The following PCDHGA1 variants were observed in gnomAD, a reference collection of about 807,000 sequenced individuals.
PCDHGA1 encodes the protein protocadherin gamma subfamily A, 1.
Under a neutral mutation model 58.0 loss-of-function variants are expected in PCDHGA1, and 32 were observed. That is an observed-to-expected ratio of 0.55 (90% CI 0.42 to 0.74). The LOEUF (loss-of-function observed/expected upper bound fraction) is 0.74, where lower values mean the gene tolerates loss of function less well. PCDHGA1 is among the 30% of genes least tolerant of loss of function. The probability of loss-of-function intolerance (pLI) is 0.00; values close to 1 mark genes in which losing one functional copy is unlikely to be tolerated. For missense variants in PCDHGA1, 1,205 were observed against 1,182.3 expected (o/e 1.02, Z -0.28); for synonymous variants, 498 against 501.1 (o/e 0.99, Z 0.08).
intron 1 of PCDHGA1, chr5:141,389,849 T>C (rs773205213): frequency 6.2e-7 from 1 of 1,614,066 alleles, no homozygotes; most frequent in South Asian, 1.1e-5. Context: ...TCTCGGCCAC[T>C]GCCACGTTGC....
intron 1 of PCDHGA1, chr5:141,374,117 G>T: frequency 1.9e-6 from 3 of 1,587,564 alleles, no homozygotes; most frequent in South Asian, 1.1e-5. Context: ...GCAGCGCAGC[G>T]AGCAGGTCCT....
intron 1 of PCDHGA1, among the ~76,000 whole-genome samples, chr5:141,467,790 C>T (rs1321576171): frequency 6.6e-6 from 1 of 152,118 alleles, no homozygotes; most frequent in Non-Finnish European, 1.5e-5. Context: ...TCTCAAGTAG[C>T]TGGGACTACA....
At chr5:141,350,308 T>C (rs1398850020) in intron 1 of PCDHGA1, 1 of 1,522,230 alleles carries the variant, frequency 6.6e-7, no homozygotes, top group Admixed American at 2.2e-5. Context: ...AGGTACTGTT[T>C]CCCTTCCTGC....
Position 141,490,799 on chromosome 5 carries a change from G to A in PCDHGA1, c.2422-4008G>A, listed in dbSNP as rs757092044. On this transcript the variant is annotated intron_variant, in intron 1 of 3. Coordinates refer to ENST00000517417, the MANE Select transcript of PCDHGA1 (RefSeq NM_018912.3). The surrounding 1 kb of genome is among the most constrained non-coding windows in gnomAD (Gnocchi z 5.4). ...GAGGATGGACGGATCTTTGCCCAGC[G>A]TACCTTTGACTATGAATTGCTGCAG... is the stretch of plus-strand genomic sequence containing the variant. 2.7e-5 allele frequency: 43 copies of A among 1,613,888 alleles called. No individual in the cohort carries two copies. Among genetic ancestry groups the A allele is most frequent in the Middle Eastern group, 3.3e-4 (2 of 6,062 alleles).
At chr5:141,403,157 A>G in intron 1 of PCDHGA1, 3 of 1,614,030 alleles carry the variant, frequency 1.9e-6, no homozygotes, top group Non-Finnish European at 8.5e-7. Context: ...CATCGTCTCT[A>G]GAGGTAGGAC....
chr5:141,355,624 G>A, intron 1 of PCDHGA1: 3 of 1,614,002 alleles, frequency 1.9e-6, no homozygotes, highest in South Asian at 2.2e-5. Flanking sequence ...GGAAATAAAA[G>A]TTGCTGAAAA....
intron 1 of PCDHGA1, among the ~76,000 whole-genome samples, chr5:141,450,485 TTGTC>T (rs1466269978): frequency 1.3e-5 from 2 of 152,158 alleles, no homozygotes; most frequent in African/African-American, 2.4e-5. Flanking sequence ...GTTTGTTTGT[TTGTC>T]TGTTTGTTTG....
At chr5:141,508,295 G>C (rs989632251) in intron 3 of PCDHGA1, 5 of 152,202 alleles carry the variant, frequency 3.3e-5, no homozygotes, top group Non-Finnish European at 7.3e-5. Context: ...TGGGCCTTGG[G>C]GGGAGTGGGG....
rs774505854 is a variant in PCDHGA1 at position 141,490,507 on chromosome 5, G to A, written c.2422-4300G>A. The A allele has an allele frequency of 5.6e-6, 9 of 1,613,898 alleles. No individual in the cohort carries two copies. The highest frequency in any genetic ancestry group is 4.0e-5 in the African/African-American group (3 of 74,868). ...GGAGGCCACATCCCACTATATCATC[G>A]AGCTGCTGGCCAGCGATGCTGGTTC... On this transcript the variant is annotated intron_variant, in intron 1 of 3. Transcript: ENST00000517417. This position sits in a 1 kb window ranked among gnomAD's most constrained non-coding sequence, Gnocchi z 5.4.
rs1206130340 is a variant in PCDHGA1, at chr5:141,473,814, G to A, written c.2422-20993G>A. On this transcript the variant is annotated intron_variant, in intron 1 of 3. Coordinates refer to ENST00000517417, the MANE Select transcript of PCDHGA1 (RefSeq NM_018912.3). ...GTATGATGCTACTGAGGAGCAGCTG[G>A]ACAATTGTGTGATCCAATTAAAATT... Among the ~76,000 whole-genome samples, 5 of 152,188 alleles carry A rather than the reference G, an allele frequency of 3.3e-5. No individual in the cohort carries two copies. The East Asian group carries it at 9.6e-4, about 29-fold the overall frequency.
chr5:141,426,704 A>C, intron 1 of PCDHGA1: 1 of 440,322 alleles, frequency 2.3e-6, no homozygotes, highest in South Asian at 1.6e-5. Context: ...TTGTTTTACA[A>C]ATCAATGAAC....
rs1393235114 is a variant in PCDHGA1, at chr5:141,476,581, G to T, written c.2422-18226G>T. ...CCGTGGCTCCGGGGACGCGCTTTCC[G>T]CTCGAGAGCGCGCACGATCCCGATG... On this transcript the variant is annotated intron_variant, in intron 1 of 3. Transcript: ENST00000517417. This position sits in a 1 kb window ranked among gnomAD's most constrained non-coding sequence, Gnocchi z 7.6. 8.7e-6 allele frequency: 14 copies of T among 1,614,112 alleles called. No homozygotes were observed. The Admixed American group carries it at 2.2e-4, about 25-fold the overall frequency.
At position 141,490,108 on chromosome 5, in the gene PCDHGA1, C is replaced by T. The variant is rs566655929; in HGVS notation, c.2422-4699C>T. 1.4e-5 allele frequency: 22 copies of T among 1,614,244 alleles called. No individual in the cohort carries two copies. Among genetic ancestry groups the T allele is most frequent in the South Asian group, 5.5e-5 (5 of 91,090 alleles). The stretch of plus-strand genomic sequence containing the variant: ...TGGAGACCACACATCTGAGGCAGTG[C>T]GGAACCTCTTTGGCCTAGACCCTAG... On this transcript the variant is annotated intron_variant, in intron 1 of 3. Coordinates refer to ENST00000517417, the MANE Select transcript of PCDHGA1 (RefSeq NM_018912.3). This position sits in a 1 kb window ranked among gnomAD's most constrained non-coding sequence, Gnocchi z 5.4.
At chr5:141,409,227 A>G (rs2095244126) in intron 1 of PCDHGA1, 1 of 1,613,922 alleles carries the variant, frequency 6.2e-7, no homozygotes, top group African/African-American at 1.3e-5. Flanking sequence ...GATGAAAACG[A>G]CAACAGCCCA....
At chr5:141,393,337 A>G (rs556749112) in intron 1 of PCDHGA1, 28 of 1,613,772 alleles carry the variant, frequency 1.7e-5, no homozygotes, top group African/African-American at 5.3e-5. Flanking sequence ...CTCAGCCCCA[A>G]TCACCACTTC....
At chr5:141,417,517 T>C (rs2096127273) in intron 1 of PCDHGA1, 1 of 255,788 alleles carries the variant, frequency 3.9e-6, no homozygotes, top group East Asian at 7.9e-5. Flanking sequence ...ATATTTTGGC[T>C]GTCAACTCGT....
At chr5:141,383,331 G>A (rs1374498220) in intron 1 of PCDHGA1, 1 of 1,613,874 alleles carries the variant, frequency 6.2e-7, no homozygotes, top group East Asian at 2.2e-5. Flanking sequence ...AAATAATGGA[G>A]AATACAGCTC....
intron 1 of PCDHGA1, chr5:141,412,314 A>G (rs913648948): frequency 6.6e-6 from 1 of 152,240 alleles, no homozygotes; most frequent in African/African-American, 2.4e-5. Flanking sequence ...CAATGCAAAC[A>G]GTTTAATTTG....
intron 1 of PCDHGA1, among the ~76,000 whole-genome samples, chr5:141,472,980 C>CA (rs60579131): frequency 0.042 from 3,623 of 85,966 alleles, 71 homozygotes; most frequent in South Asian, 0.079. Context: ...GAGTGAAACT[C>CA]AAAAAAAAAA....
Sources: allele counts gnomAD v4.1 joint callset (sites outside exome capture counted in the v4.1 genomes callset), GRCh38; gene constraint gnomAD v4.1.1; non-coding constraint Gnocchi (gnomAD v3.1); transcripts MANE v1.5; gene names NCBI Gene and HGNC (gene_info 2026-07-23, HGNC 2026-07-21).